Variants in AIM2 observed in about 807,000 individuals in gnomAD.
AIM2 encodes the protein absent in melanoma 2, also known as interferon-inducible protein AIM2.
Under a neutral mutation model 27.7 loss-of-function variants are expected in AIM2, and 30 were observed. The observed-to-expected ratio is 1.08, with a 90% CI of 0.81 to 1.47. The LOEUF (loss-of-function observed/expected upper bound fraction) is 1.47, where lower values mean the gene tolerates loss of function less well. AIM2 is among the 40% of genes most tolerant of loss of function. The pLI, the probability that AIM2 is intolerant of heterozygous loss-of-function variation, is 0.00. For missense variants in AIM2, 358 were observed against 411.3 expected (o/e 0.87, Z 1.12); for synonymous variants, 141 against 145.3 (o/e 0.97, Z 0.21).
chr1:159,083,588 T>G (rs1656831155), intron 1 of AIM2, among the ~76,000 whole-genome samples: 1 of 152,218 alleles, frequency 6.6e-6, no homozygotes, highest in South Asian at 2.1e-4. Flanking sequence ...TAAGGATTTA[T>G]ATTCTATACC....
At chr1:159,110,349 C>G (rs1446251466) in intron 1 of AIM2, among the ~76,000 whole-genome samples, 1 of 152,186 alleles carries the variant, frequency 6.6e-6, no homozygotes, top group East Asian at 1.9e-4. Flanking sequence ...TATGGCATCT[C>G]ATTTTGAGAA....
chr1:159,100,096 A>T (rs1657280973), intron 1 of AIM2, among the ~76,000 whole-genome samples: 1 of 152,154 alleles, frequency 6.6e-6, no homozygotes, highest in Non-Finnish European at 1.5e-5. Flanking sequence ...ATGCAAAGTA[A>T]ACTTTCCAGA....
At chr1:159,144,497 T>G (rs1034748389), upstream of AIM2, among the ~76,000 whole-genome samples, 110 of 152,274 alleles carry the variant, frequency 7.2e-4, no homozygotes, top group African/African-American at 2.6e-3. Flanking sequence ...AATCTACAGT[T>G]TTAAAGGGCA....
upstream of AIM2, among the ~76,000 whole-genome samples, chr1:159,142,965 A>G (rs1648140643): frequency 6.6e-6 from 1 of 152,170 alleles, no homozygotes. Flanking sequence ...GAGCCAACTC[A>G]GATATCCCTC....
chr1:159,091,808 T>G (rs1257594348), intron 1 of AIM2, among the ~76,000 whole-genome samples: 1 of 152,208 alleles, frequency 6.6e-6, no homozygotes, highest in Non-Finnish European at 1.5e-5. Context: ...CCCTCTCTAT[T>G]GAAAAGGGCC....
downstream of AIM2, among the ~76,000 whole-genome samples, chr1:159,062,244 C>G (rs966163482): frequency 6.6e-6 from 1 of 152,226 alleles, no homozygotes; most frequent in South Asian, 2.1e-4. Flanking sequence ...AATCATTGCC[C>G]TATGGGACAA....
At chr1:159,112,853 C>A (rs1372411602) in intron 1 of AIM2, among the ~76,000 whole-genome samples, 1 of 151,546 alleles carries the variant, frequency 6.6e-6, no homozygotes, top group Non-Finnish European at 1.5e-5. Context: ...AGTTTTTCTA[C>A]TAGACTTTTT....
intron 1 of AIM2, among the ~76,000 whole-genome samples, chr1:159,097,916 C>T (rs1007308233): frequency 3.3e-5 from 5 of 152,030 alleles, no homozygotes; most frequent in Non-Finnish European, 5.9e-5. Context: ...TGTTACATTC[C>T]CAGTAAGGGT....
At chr1:159,074,364 T>C (rs1353820574) in intron 1 of AIM2, among the ~76,000 whole-genome samples, 1 of 152,200 alleles carries the variant, frequency 6.6e-6, no homozygotes. Context: ...GTATATGATA[T>C]AAGTGATGAT....
downstream of AIM2, among the ~76,000 whole-genome samples, chr1:159,057,560 C>T (rs1307836207): frequency 1.3e-5 from 2 of 152,136 alleles, no homozygotes; most frequent in Non-Finnish European, 2.9e-5. Context: ...GATTATTGCT[C>T]AGAACTAGGA....
rs145562255 is a variant in AIM2, at chr1:159,098,884, T to C, written c.-15-32555A>G. On this transcript the variant is annotated intron_variant, in intron 1 of 2. Transcript: ENST00000368129. ...CTCCTGAGATAGTTTCTGGTTATGA[T>C]GAGTGCTATGGAGAAAAAAACAGGA... is the stretch of plus-strand genomic sequence containing the variant. 1.9e-4 allele frequency among the ~76,000 whole-genome samples: 29 copies of C among 152,312 alleles called. No homozygotes were observed. The East Asian group carries it at 5.6e-3, about 29-fold the overall frequency.
At chr1:159,089,686 T>C (rs758627473) in intron 1 of AIM2, among the ~76,000 whole-genome samples, 61 of 152,080 alleles carry the variant, frequency 4.0e-4, no homozygotes, top group Non-Finnish European at 7.6e-4. Context: ...TATGTACCAG[T>C]CAAAACAAAA....
At chr1:159,101,042 A>C (rs973242841) in intron 1 of AIM2, among the ~76,000 whole-genome samples, 2 of 152,218 alleles carry the variant, frequency 1.3e-5, no homozygotes, top group African/African-American at 4.8e-5. Flanking sequence ...CTTTCATCAC[A>C]GATAAGTTAG....
Position 159,063,631 on chromosome 1 carries a change from T to G in AIM2, c.860A>C (p.Asn287Thr), listed in dbSNP as rs765003556. ...KKNILFDLSDNTGKMEVLGVR... is the reference protein window; with the variant it reads ...KKNILFDLSDTTGKMEVLGVR... ...CCCCAGTACTTCCATTTTCCCAGTG[T>G]TGTCACTTAGGTCAAATAATATGTT... Residue 287 changes from asparagine to threonine, a missense_variant, in exon 5 of 6, where the codon AAC (asparagine) becomes ACC (threonine). Transcript: ENST00000368130. 3.1e-6 allele frequency: 5 copies of G among 1,614,002 alleles called. No individual in the cohort carries two copies. In the Admixed American group the frequency reaches 8.3e-5, roughly 27 times the overall value.
At chr1:159,143,901 T>A (rs1301804130), upstream of AIM2, among the ~76,000 whole-genome samples, 2 of 152,092 alleles carry the variant, frequency 1.3e-5, no homozygotes, top group African/African-American at 4.8e-5. Context: ...CCCTGAAACA[T>A]GTATGGGAGA....
intron 1 of AIM2, among the ~76,000 whole-genome samples, chr1:159,118,029 A>C (rs1177246273): frequency 6.6e-6 from 1 of 152,164 alleles, no homozygotes; most frequent in East Asian, 1.9e-4. Flanking sequence ...TACATCTCCT[A>C]AACTAAGAAA....
chr1:159,105,955 C>T (rs898783156), intron 1 of AIM2, among the ~76,000 whole-genome samples: 3 of 152,148 alleles, frequency 2.0e-5, no homozygotes, highest in Admixed American at 6.5e-5. Context: ...CCACCCCTTT[C>T]TGCCCGGGAT....
intron 1 of AIM2, among the ~76,000 whole-genome samples, chr1:159,127,748 C>T (rs1365399113): frequency 6.6e-6 from 1 of 152,182 alleles, no homozygotes; most frequent in African/African-American, 2.4e-5. Flanking sequence ...CCTCACCACA[C>T]ACTGTATCTG....
intron 1 of AIM2, among the ~76,000 whole-genome samples, chr1:159,112,227 A>G (rs1169841747): frequency 6.6e-6 from 1 of 152,204 alleles, no homozygotes; most frequent in African/African-American, 2.4e-5. Flanking sequence ...GGTTGAAAAG[A>G]AAAGAATGAG....
Sources: gnomAD v4.1 joint callset for allele counts (sites outside exome capture counted in the v4.1 genomes callset) on GRCh38, gnomAD v4.1.1 for gene constraint, MANE v1.5 for transcripts, NCBI Gene and HGNC (gene_info 2026-07-23, HGNC 2026-07-21) for gene names.